The following GREB1L variants were observed in gnomAD, a reference collection of about 807,000 sequenced individuals.
GREB1L encodes GREB1 like retinoic acid receptor coactivator, also known as GREB1-like protein.
GREB1L carries 17 observed loss-of-function variants against 200.8 expected under a neutral mutation model. The observed-to-expected ratio is 0.08, with a 90% CI of 0.06 to 0.13. The LOEUF is 0.13. Among genes scored for constraint, GREB1L ranks in the 10% least tolerant of loss-of-function variants. The pLI is 1.00. For missense variants in GREB1L, 1,657 were observed against 2,367.7 expected, an observed-to-expected ratio of 0.70 and a Z score of 6.23; for synonymous variants, 789 against 893.0, an observed-to-expected ratio of 0.88 and a Z score of 2.08.
In GREB1L at chr18:21,339,055, C is replaced by T. The variant is rs149340696; in HGVS notation, c.-119-26972C>T. 5.6e-3 allele frequency among the ~76,000 whole-genome samples: 849 copies of T among 152,100 alleles called. 6 individuals carry two copies. Among genetic ancestry groups the T allele is most frequent in the Middle Eastern group, 0.031 (9 of 294 alleles). Reference sequence around the variant, plus strand: ...AATACAAAAATTCCTGGCGTGGTGGCGGGCGCCTGTAATCCCAGCTACTCA... The same window carrying T: ...AATACAAAAATTCCTGGCGTGGTGGTGGGCGCCTGTAATCCCAGCTACTCA... On this transcript the variant is annotated intron_variant, in intron 1 of 32. Coordinates refer to ENST00000424526, the MANE Select transcript of GREB1L (RefSeq NM_001142966.3).
intron 1 of GREB1L, among the ~76,000 whole-genome samples, chr18:21,266,065 T>C (rs1207668401): frequency 6.6e-6 from 1 of 152,186 alleles, no homozygotes; most frequent in East Asian, 1.9e-4. Context: ...TCATGCTAGT[T>C]TCCCAGCCTG....
intron 1 of GREB1L, among the ~76,000 whole-genome samples, chr18:21,268,723 G>A (rs1285996098): frequency 2.0e-5 from 3 of 150,868 alleles, no homozygotes; most frequent in African/African-American, 7.3e-5. Flanking sequence ...GCAGCCTCCT[G>A]AGTAGCTAGG....
chr18:21,518,620 C>T (rs2037506339), intron 31 of GREB1L, among the ~76,000 whole-genome samples: 1 of 152,124 alleles, frequency 6.6e-6, no homozygotes. Context: ...GTGGGTTTTT[C>T]TTCATAAAAG....
chr18:21,470,292 A>C (rs2035431506), intron 15 of GREB1L, among the ~76,000 whole-genome samples: 1 of 152,132 alleles, frequency 6.6e-6, no homozygotes, highest in African/African-American at 2.4e-5. Flanking sequence ...TGTCTCTTTA[A>C]ATTTTTTTTT....
intron 1 of GREB1L, among the ~76,000 whole-genome samples, chr18:21,360,412 G>C (rs2039565734): frequency 6.6e-6 from 1 of 151,964 alleles, no homozygotes; most frequent in South Asian, 2.1e-4. Context: ...TTTTAGTAGA[G>C]ATGGCGTTTC....
chr18:21,520,771 CCT>C lies in GREB1L; in HGVS notation c.5559_5560del (p.Cys1854Ter). ...TGTTTTTCAGTGGACTCCTTTTGTA[CCT>C]CTGTGACTCTTTTGTAGGTGCTGAT... ...GVFFSGLLLY[L>X]CDSFVGADLK... On this transcript the variant is annotated frameshift_variant, in exon 32 of 33. Coordinates refer to ENST00000424526, the MANE Select transcript of GREB1L (RefSeq NM_001142966.3). LOFTEE classifies it high-confidence loss of function. The C allele has an allele frequency of 6.6e-7, 1 of 1,526,006 alleles. No individual in the cohort carries two copies. The highest frequency in any genetic ancestry group is 8.8e-7 in the Non-Finnish European group (1 of 1,139,262). The allele number at this position is 1,526,006 out of a possible 1,614,324, so 94.5% of individuals were successfully genotyped here. A position where few individuals can be genotyped will look rare whatever the true frequency, so the allele number is the denominator to read the frequency against.
chr18:21,340,355 G>A (rs550989546), intron 1 of GREB1L, among the ~76,000 whole-genome samples: 1 of 151,998 alleles, frequency 6.6e-6, no homozygotes, highest in African/African-American at 2.4e-5. Context: ...TGGAGGTGGA[G>A]CTTGCAGTGA....
At position 21,513,835 on chromosome 18, in the gene GREB1L, C is replaced by G. The variant is rs1044634132; in HGVS notation, c.4750C>G (p.Leu1584Val). 34 of 1,551,436 alleles carry G rather than the reference C, an allele frequency of 2.2e-5. No individual in the cohort carries two copies. Among genetic ancestry groups the G allele is most frequent in the Non-Finnish European group, 3.0e-5 (34 of 1,146,966 alleles). ...TTGCCTTCCAGGTGCTGCCAGGTTC[C>G]TCATCAAGGAGCTATCATATCACAA... ...NNAGVGAARF[L>V]IKELSYHNLE... Residue 1584 changes from leucine (L) to valine (V), a missense_variant, in exon 28 of 33, where the codon CTC becomes GTC. Physicochemically the swap from Leu to Val is conservative, Grantham distance 32 (BLOSUM62 1). Coordinates refer to ENST00000424526, the MANE Select transcript of GREB1L (RefSeq NM_001142966.3).
chr18:21,344,172 C>T (rs914676745), intron 1 of GREB1L, among the ~76,000 whole-genome samples: 5 of 152,246 alleles, frequency 3.3e-5, no homozygotes, highest in East Asian at 1.9e-4. Flanking sequence ...GAGGCCAAGG[C>T]GGGCGGATCA....
intron 1 of GREB1L, among the ~76,000 whole-genome samples, chr18:21,284,431 T>C (rs1459350304): frequency 6.6e-6 from 1 of 152,118 alleles, no homozygotes; most frequent in Non-Finnish European, 1.5e-5. Flanking sequence ...ATTATATAAT[T>C]GGGGGGGCTT....
chr18:21,377,484 A>G (rs1380707073), intron 2 of GREB1L, among the ~76,000 whole-genome samples: 4 of 152,194 alleles, frequency 2.6e-5, no homozygotes, highest in Non-Finnish European at 4.4e-5. Flanking sequence ...TATTAAGTAC[A>G]TAGCAGAGAG....
rs566471794 is a variant in GREB1L, at chr18:21,484,937, A to G, written c.2557-683A>G. Reference sequence around the variant, plus strand: ...ATGCAAAAGAAAGCTACAAACAAAAACAGATTCATGAACTCAAAAAGCTTA... The same window carrying G: ...ATGCAAAAGAAAGCTACAAACAAAAGCAGATTCATGAACTCAAAAAGCTTA... On this transcript the variant is annotated intron_variant, in intron 17 of 32. Coordinates refer to ENST00000424526, the MANE Select transcript of GREB1L (RefSeq NM_001142966.3). Among the ~76,000 whole-genome samples, 10 of 152,318 alleles carry G rather than the reference A, an allele frequency of 6.6e-5. No homozygotes were observed. The East Asian group carries it at 1.9e-3, about 29-fold the overall frequency.
chr18:21,295,721 C>T (rs1279681691), intron 1 of GREB1L, among the ~76,000 whole-genome samples: 1 of 152,170 alleles, frequency 6.6e-6, no homozygotes. Context: ...CAGGCAAGTC[C>T]TCCTGGAGGT....
At chr18:21,418,999 A>T (rs1465182756) in intron 7 of GREB1L, among the ~76,000 whole-genome samples, 3 of 152,162 alleles carry the variant, frequency 2.0e-5, no homozygotes, top group Admixed American at 1.3e-4. Flanking sequence ...CCATTTCTAT[A>T]TTTAGATATG....
chr18:21,469,592 C>T (rs75092824), intron 15 of GREB1L, among the ~76,000 whole-genome samples: 2,253 of 152,216 alleles, frequency 0.015, 56 homozygotes, highest in African/African-American at 0.051. Context: ...TAAGTGTGCC[C>T]ATTGCTACTA....
rs528223630 is a variant in GREB1L at position 21,448,697 on chromosome 18, A to C, written c.1394-813A>C. Among the ~76,000 whole-genome samples, 6 of 152,342 alleles carry C rather than the reference A, an allele frequency of 3.9e-5. No individual in the cohort carries two copies. The South Asian group carries it at 1.2e-3, about 32-fold the overall frequency. ...GAATAGAGGGAGTGACTGTATTCTC[A>C]CTGCTTTCAATTTAAACTAAATGTT... On this transcript the variant is annotated intron_variant, in intron 11 of 32. Coordinates refer to ENST00000424526, the MANE Select transcript of GREB1L (RefSeq NM_001142966.3).
intron 1 of GREB1L, among the ~76,000 whole-genome samples, chr18:21,263,783 C>G (rs1018027499): frequency 6.6e-5 from 10 of 152,186 alleles, no homozygotes; most frequent in African/African-American, 2.4e-4. Flanking sequence ...ACCTAGCATT[C>G]TAAGTCAGTC....
At chr18:21,317,814 A>C (rs2038894362) in intron 1 of GREB1L, 1 of 152,098 alleles carries the variant, frequency 6.6e-6, no homozygotes, top group Non-Finnish European at 1.5e-5. Context: ...CCTCAGTTAG[A>C]AAATGAGGAT....
At chr18:21,258,205 T>G (rs1482965662) in intron 1 of GREB1L, among the ~76,000 whole-genome samples, 1 of 152,178 alleles carries the variant, frequency 6.6e-6, no homozygotes, top group East Asian at 1.9e-4. Flanking sequence ...CGAGGGACAT[T>G]TTAGCCTTTG....
Sources: allele counts gnomAD v4.1 joint callset (sites outside exome capture counted in the v4.1 genomes callset), GRCh38; gene constraint gnomAD v4.1.1; transcripts MANE v1.5; gene names NCBI Gene and HGNC (gene_info 2026-07-23, HGNC 2026-07-21).